NLRP9: variants seen among roughly 807,000 people sequenced by gnomAD.
NLRP9 encodes the protein NACHT, LRR and PYD domains-containing protein 9.
A neutral mutation model predicts 83.1 loss-of-function variants in NLRP9; 88 were observed. The observed-to-expected ratio is 1.06, with a 90% CI of 0.89 to 1.26. NLRP9 has a LOEUF of 1.26. Ranked by LOEUF, NLRP9 falls within the 50% of genes most tolerant of loss-of-function variation. NLRP9 has a pLI of 0.00. For synonymous variants in NLRP9, 521 were observed against 447.6 expected (o/e 1.16, Z -2.07); for missense variants, 1,308 against 1,179.3 (o/e 1.11, Z -1.60).
intron 4 of NLRP9, among the ~76,000 whole-genome samples, chr19:55,721,554 T>G (rs1054388852): frequency 6.6e-6 from 1 of 152,252 alleles, no homozygotes; most frequent in African/African-American, 2.4e-5. Flanking sequence ...CCTAGGGCAC[T>G]TCACAGGCTA....
In NLRP9 at chr19:55,712,576, A is replaced by G; in HGVS notation, c.2516T>C (p.Phe839Ser). The change falls in exon 7 of 9, where the codon TTC becomes TCC. Residue 839 changes from phenylalanine (F) to serine (S), a missense_variant. Physicochemically the swap from Phe to Ser is radical, Grantham distance 155. Coordinates refer to ENST00000332836, the MANE Select transcript of NLRP9 (RefSeq NM_176820.4). ...GTCCTTACAGGAATCGGAAGTAAGG[A>G]AACAGCCCATCAACCTGGGGAGGTG... ...SIRELWLMGC[F>S]LTSDSCKDIA... 1 of 1,612,368 alleles carries G rather than the reference A, an allele frequency of 6.2e-7. No individual in the cohort carries two copies. The highest frequency in any genetic ancestry group is 2.2e-5 in the East Asian group (1 of 44,742).
intron 4 of NLRP9, 138 bp downstream of exon 4, chr19:55,723,842 G>T: frequency 1.5e-6 from 1 of 657,772 alleles, no homozygotes; most frequent in Non-Finnish European, 2.5e-6. Flanking sequence ...CACCTTATGA[G>T]AGAGACAGAT....
rs1472362435 is a variant in NLRP9, at chr19:55,732,891, T to C, written c.940A>G (p.Lys314Glu). Residue 314 changes from lysine (K) to glutamate (E), a missense_variant, in exon 2 of 9, where the codon AAG (lysine) becomes GAG (glutamate). Lys to Glu is a moderately conservative substitution (Grantham distance 56). Transcript: ENST00000332836. ...TTGAAGACTTTCAGGGCTTTGCTCT[T>C]CTCACCAAAGAAGTAGGAGAAATAC... ...KSYFSYFFGE[K>E]SKALKVFNFV... 2 of 1,614,030 alleles carry C rather than the reference T, an allele frequency of 1.2e-6. No homozygotes were observed. Among genetic ancestry groups the C allele is most frequent in the Admixed American group, 1.7e-5 (1 of 59,990 alleles).
At position 55,733,065 on chromosome 19, in the gene NLRP9, TA is replaced by T; in HGVS notation, c.765del (p.Ile256SerfsTer2). The part of the protein sequence containing the change: ...DDWRQRQPMP[I>X]ILSSLLQKKM... ...TTTTTTTGCAACAAACTGCTCAGGA[TA>T]ATTGGCATTGGCTGCCGCTGCCTCC... On this transcript the variant is annotated frameshift_variant, in exon 2 of 9. Coordinates refer to ENST00000332836, the MANE Select transcript of NLRP9 (RefSeq NM_176820.4). LOFTEE classifies it high-confidence loss of function. The T allele has an allele frequency of 6.2e-7, 1 of 1,614,034 alleles. No individual in the cohort carries two copies. Among genetic ancestry groups the T allele is most frequent in the African/African-American group, 1.3e-5 (1 of 75,060 alleles).
In NLRP9 at chr19:55,732,952, T is replaced by TA; in HGVS notation, c.878dup (p.Leu295AlafsTer6). ...CAGATTCACTGAATCCTAAGAGCTT[T>TA]ATGAGTTTTGGATGCCGCAACATAA... On this transcript the variant is annotated frameshift_variant, in exon 2 of 9. Transcript: ENST00000332836. LOFTEE classifies it high-confidence loss of function. The TA allele has an allele frequency of 6.2e-7, 1 of 1,614,196 alleles. No individual in the cohort carries two copies. Among genetic ancestry groups the TA allele is most frequent in the East Asian group, 2.2e-5 (1 of 44,890 alleles).
chr19:55,738,125 G>T lies in NLRP9; in HGVS notation c.250C>A (p.Leu84Ile). The change falls in exon 1 of 9, where the codon CTC becomes ATC. Residue 84 changes from leucine to isoleucine, a missense_variant. Leu to Ile is a conservative substitution (Grantham distance 5). Transcript: ENST00000332836. ...NLFLQINRKD[L>I]WTKAQEEMRN... is the part of the protein sequence containing the mutation. ...ATCTCTTCCTGAGCCTTTGTCCAGAGATCTTTCCTATTGATCTGTAGAAAC... is the reference window on the plus strand; with the variant it reads ...ATCTCTTCCTGAGCCTTTGTCCAGATATCTTTCCTATTGATCTGTAGAAAC... 12 of 1,614,150 alleles carry T rather than the reference G, an allele frequency of 7.4e-6. No homozygotes were observed. The highest frequency in any genetic ancestry group is 9.3e-6 in the Non-Finnish European group (11 of 1,180,022).
chr19:55,717,285 G>A (rs144741658), intron 4 of NLRP9, among the ~76,000 whole-genome samples: 1,986 of 152,042 alleles, frequency 0.013, 35 homozygotes, highest in African/African-American at 0.045. Context: ...TGCCCACCTC[G>A]GCCTCCCAAA....
At position 55,731,996 on chromosome 19, in the gene NLRP9, C is replaced by A. The variant is rs748602039; in HGVS notation, c.1832+3G>T. ...GGGACGGGGGATTAATAGACAGACT[C>A]ACTCTGAGATGCATCCTGAGTCATC... On this transcript the variant is annotated splice_donor_region_variant and intron_variant, in intron 2 of 8. Coordinates refer to ENST00000332836, the MANE Select transcript of NLRP9 (RefSeq NM_176820.4). 5 of 1,534,882 alleles carry A rather than the reference C, an allele frequency of 3.3e-6. No individual in the cohort carries two copies. The African/African-American group carries it at 6.9e-5, about 21-fold the overall frequency.
Position 55,711,545 on chromosome 19 carries a change from T to G in NLRP9, c.2843+255A>C, listed in dbSNP as rs1027215783. ...TGTGTCTCCGAGGGACTTCTGACAA[T>G]TTCTGGAGCTCTTTTTGATTGTCAC... On this transcript the variant is annotated intron_variant, in intron 8 of 8. Transcript: ENST00000332836. The G allele has an allele frequency of 1.3e-5, 15 of 1,157,944 alleles. No homozygotes were observed. The African/African-American group carries it at 2.0e-4, about 15-fold the overall frequency. 71.7% of individuals were successfully genotyped at this position (1,157,944 alleles called of 1,614,324 possible).
intron 5 of NLRP9, 36 bp from the exon 6 acceptor site, chr19:55,715,261 C>G (rs1434379294): frequency 1.9e-6 from 3 of 1,577,136 alleles, no homozygotes; most frequent in Admixed American, 3.4e-5. Context: ...GCCTGCTGAA[C>G]AGCAGTACAT....
intron 3 of NLRP9, among the ~76,000 whole-genome samples, chr19:55,727,082 A>G (rs151071369): frequency 0.013 from 1,920 of 152,120 alleles, 52 homozygotes; most frequent in African/African-American, 0.043. Flanking sequence ...GTGAAACCCC[A>G]TCTCTACTAA....
intron 4 of NLRP9, among the ~76,000 whole-genome samples, chr19:55,718,468 T>C (rs77378270): frequency 0.091 from 13,855 of 152,170 alleles, 901 homozygotes; most frequent in Non-Finnish European, 0.13. Context: ...AGGAGAAAAT[T>C]GCCCTGTGGC....
At chr19:55,736,863 A>G (rs920102368) in intron 1 of NLRP9, among the ~76,000 whole-genome samples, 1 of 145,294 alleles carries the variant, frequency 6.9e-6, no homozygotes, top group Non-Finnish European at 1.5e-5. Flanking sequence ...AAAAAAAAAA[A>G]CAAAAAACTA....
chr19:55,721,921 G>T (rs191484892), intron 4 of NLRP9, among the ~76,000 whole-genome samples: 1 of 147,052 alleles, frequency 6.8e-6, no homozygotes, highest in East Asian at 2.0e-4. Flanking sequence ...ACATCGAACT[G>T]CAAGTCCAAT....
chr19:55,729,587 A>G (rs1416507350), intron 3 of NLRP9, among the ~76,000 whole-genome samples: 2 of 152,196 alleles, frequency 1.3e-5, no homozygotes, highest in East Asian at 1.9e-4. Context: ...ATGGCTGCAT[A>G]GTATTCCATG....
intron 3 of NLRP9, among the ~76,000 whole-genome samples, chr19:55,726,325 A>C (rs113357349): frequency 1.3e-5 from 2 of 152,294 alleles, no homozygotes; most frequent in African/African-American, 4.8e-5. Context: ...CTAAAATAGA[A>C]GAGTTGATTA....
chr19:55,728,847 A>G (rs1387579030), intron 3 of NLRP9, among the ~76,000 whole-genome samples: 2 of 152,152 alleles, frequency 1.3e-5, no homozygotes, highest in Non-Finnish European at 2.9e-5. Flanking sequence ...GTTTGCTTAC[A>G]GGGGTGAAGA....
intron 4 of NLRP9, among the ~76,000 whole-genome samples, chr19:55,723,652 C>T (rs569232494): frequency 2.7e-5 from 4 of 147,586 alleles, no homozygotes; most frequent in South Asian, 4.3e-4. Context: ...TGCTTGAACC[C>T]GGGAAGCTGA....
chr19:55,723,904 A>G, intron 4 of NLRP9, 76 bp downstream of exon 4: 1 of 1,180,514 alleles, frequency 8.5e-7, no homozygotes, highest in Non-Finnish European at 1.2e-6. Context: ...ACCCTCCAGG[A>G]AGGAAAACAA....
Sources: gnomAD v4.1 joint callset for allele counts (sites outside exome capture counted in the v4.1 genomes callset) on GRCh38, gnomAD v4.1.1 for gene constraint, MANE v1.5 for transcripts, NCBI Gene and HGNC (gene_info 2026-07-23, HGNC 2026-07-21) for gene names.